Variants in DIAPH3 observed in about 807,000 individuals in gnomAD.
The protein encoded by DIAPH3 is diaphanous related formin 3.
DIAPH3 carries 117 observed loss-of-function variants against 144.3 expected under a neutral mutation model. The ratio of observed to expected loss-of-function variants is 0.81; its 90% CI spans 0.70 to 0.95. DIAPH3 has a LOEUF of 0.95. DIAPH3 is among the 40% of genes least tolerant of loss of function. The probability of loss-of-function intolerance (pLI) is 0.00; values close to 1 mark genes in which losing one functional copy is unlikely to be tolerated. For synonymous variants in DIAPH3, 519 were observed against 488.9 expected, an observed-to-expected ratio of 1.06 and a Z score of -0.81; for missense variants, 1,421 against 1,412.7, an observed-to-expected ratio of 1.01 and a Z score of -0.09.
intron 4 of DIAPH3, among the ~76,000 whole-genome samples, chr13:60,052,941 C>A (rs150411403): frequency 0.019 from 1,858 of 100,108 alleles, 27 homozygotes; most frequent in Non-Finnish European, 0.025. Flanking sequence ...AGCCTGGTGA[C>A]AGAGCCAGAC....
chr13:59,873,114 T>G (rs1011241108), intron 21 of DIAPH3, among the ~76,000 whole-genome samples: 1 of 152,232 alleles, frequency 6.6e-6, no homozygotes, highest in African/African-American at 2.4e-5. Context: ...CTAAATAGTT[T>G]CACATTGCTT....
chr13:59,920,055 A>T (rs2047433196), intron 18 of DIAPH3, among the ~76,000 whole-genome samples: 1 of 152,050 alleles, frequency 6.6e-6, no homozygotes, highest in African/African-American at 2.4e-5. Flanking sequence ...AATGTACTAC[A>T]AATTAAAAGC....
chr13:60,100,657 T>G (rs568885022), intron 3 of DIAPH3, among the ~76,000 whole-genome samples: 3 of 152,254 alleles, frequency 2.0e-5, no homozygotes, highest in African/African-American at 7.2e-5. Context: ...TTTGCAATTC[T>G]TCTATAAGTC....
At chr13:59,855,859 C>A in intron 22 of DIAPH3, among the ~76,000 whole-genome samples, 1 of 150,518 alleles carries the variant, frequency 6.6e-6, no homozygotes, top group Non-Finnish European at 1.5e-5. Context: ...ATTATAGTAG[C>A]AAAACAGGGA....
intron 20 of DIAPH3, among the ~76,000 whole-genome samples, chr13:59,906,673 G>A (rs527443213): frequency 6.6e-6 from 1 of 152,108 alleles, no homozygotes; most frequent in Non-Finnish European, 1.5e-5. Context: ...ACATTTGTTC[G>A]ATTCAATCTT....
At chr13:59,889,992 T>A (rs1458679144) in intron 20 of DIAPH3, among the ~76,000 whole-genome samples, 1 of 152,118 alleles carries the variant, frequency 6.6e-6, no homozygotes, top group East Asian at 1.9e-4. Context: ...TTTCCTTATT[T>A]GATTGAATGT....
chr13:60,111,283 G>A (rs953357527), intron 3 of DIAPH3, among the ~76,000 whole-genome samples: 3 of 152,316 alleles, frequency 2.0e-5, no homozygotes, highest in Admixed American at 6.5e-5. Flanking sequence ...GTGAGTTCAA[G>A]TCTCCACAGA....
At chr13:60,131,754 G>A (rs916835407) in intron 2 of DIAPH3, among the ~76,000 whole-genome samples, 1 of 152,164 alleles carries the variant, frequency 6.6e-6, no homozygotes, top group African/African-American at 2.4e-5. Context: ...GATCAAAGCT[G>A]TTACAAATAT....
At chr13:60,100,770 T>A (rs888961481) in intron 3 of DIAPH3, among the ~76,000 whole-genome samples, 12 of 150,448 alleles carry the variant, frequency 8.0e-5, no homozygotes, top group African/African-American at 2.9e-4. Context: ...AAACAGAACA[T>A]CATTATTAAA....
rs141044968 is a variant in DIAPH3, at chr13:59,682,011, T to C, written c.3320-15165A>G. On this transcript the variant is annotated intron_variant, in intron 27 of 27. Transcript: ENST00000400324. ...TTGCTTCTGACAAATATCCTAAAAA[T>C]ATAGTTAGCTCTCTAGTTAAAGAGA... Among the ~76,000 whole-genome samples, 242 of 152,292 alleles carry C rather than the reference T, an allele frequency of 1.6e-3. 2 individuals carry two copies. Among genetic ancestry groups the C allele is most frequent in the African/African-American group, 5.7e-3 (235 of 41,578 alleles).
At chr13:59,734,831 C>T (rs548134691) in intron 27 of DIAPH3, among the ~76,000 whole-genome samples, 1 of 152,194 alleles carries the variant, frequency 6.6e-6, no homozygotes, top group South Asian at 2.1e-4. Context: ...AAGATTAATG[C>T]CAAAAGTTTA....
At chr13:59,835,190 G>A (rs1372083978) in intron 23 of DIAPH3, among the ~76,000 whole-genome samples, 3 of 151,708 alleles carry the variant, frequency 2.0e-5, no homozygotes, top group Admixed American at 2.0e-4. Flanking sequence ...TAAGTACACA[G>A]GATCCAGCAA....
At chr13:59,998,092 T>C (rs1283171490) in intron 9 of DIAPH3, among the ~76,000 whole-genome samples, 5 of 152,206 alleles carry the variant, frequency 3.3e-5, no homozygotes, top group Admixed American at 1.3e-4. Flanking sequence ...TGGAGAAATA[T>C]TTTGCCTCTA....
chr13:59,667,316 A>G (rs924317392), intron 27 of DIAPH3, among the ~76,000 whole-genome samples: 8 of 152,204 alleles, frequency 5.3e-5, no homozygotes, highest in Non-Finnish European at 1.0e-4. Context: ...GTCTTACTAG[A>G]ATGTGTGCTC....
intron 27 of DIAPH3, among the ~76,000 whole-genome samples, chr13:59,763,118 G>A (rs2037687233): frequency 6.6e-6 from 1 of 152,020 alleles, no homozygotes; most frequent in African/African-American, 2.4e-5. Flanking sequence ...CTATCTTTAT[G>A]CTTTTTCAAA....
At chr13:60,080,720 A>G (rs1033133243) in intron 4 of DIAPH3, among the ~76,000 whole-genome samples, 39 of 152,094 alleles carry the variant, frequency 2.6e-4, no homozygotes, top group African/African-American at 9.4e-4. Flanking sequence ...TAGGCACAAA[A>G]GGTAGACAAA....
intron 3 of DIAPH3, 70 bp downstream of exon 3, chr13:60,111,940 G>C: frequency 1.3e-6 from 2 of 1,522,006 alleles, no homozygotes; most frequent in Non-Finnish European, 9.1e-7. Context: ...AAAATGCTTA[G>C]AGTTCCATTA....
At chr13:60,024,102 G>A (rs548450980) in intron 5 of DIAPH3, among the ~76,000 whole-genome samples, 7 of 151,512 alleles carry the variant, frequency 4.6e-5, no homozygotes, top group East Asian at 1.9e-4. Flanking sequence ...TGGTCCAGCC[G>A]CCTCAGCCTC....
chr13:59,789,648 G>C (rs1593860191), intron 25 of DIAPH3, among the ~76,000 whole-genome samples: 1 of 152,266 alleles, frequency 6.6e-6, no homozygotes, highest in East Asian at 1.9e-4. Flanking sequence ...AGTGGTGCCT[G>C]GAACACCGTA....
Sources: allele counts gnomAD v4.1 joint callset (sites outside exome capture counted in the v4.1 genomes callset), GRCh38; gene constraint gnomAD v4.1.1; transcripts MANE v1.5; gene names NCBI Gene and HGNC (gene_info 2026-07-23, HGNC 2026-07-21).